Variants in WDFY4 observed in about 807,000 individuals in gnomAD.
WDFY4 encodes WDFY family member 4.
In WDFY4, 169 loss-of-function variants were observed where a neutral mutation model predicts 351.9. That is an observed-to-expected ratio of 0.48 (90% CI 0.42 to 0.55). The LOEUF is 0.55. WDFY4 is among the 20% of genes least tolerant of loss of function. The probability of loss-of-function intolerance (pLI) is 0.00; values close to 1 mark genes in which losing one functional copy is unlikely to be tolerated. For synonymous variants in WDFY4, 1,622 were observed against 1,574.6 expected (o/e 1.03, Z -0.71); for missense variants, 3,803 against 3,935.6 (o/e 0.97, Z 0.90).
Position 48,731,405 on chromosome 10 carries a change from G to A in WDFY4, c.1425G>A (p.Lys475=), listed in dbSNP as rs371231718. Residue 475 remains lysine, a synonymous_variant, in exon 9 of 62, where the codon AAG becomes AAA. Coordinates refer to ENST00000325239, the MANE Select transcript of WDFY4 (RefSeq NM_001394531.1). ...TGCGAAAGGTACAGCATCTGATCAA[G>A]GAGAGCCCTGGGCCATCCTGCACCC... is the stretch of plus-strand genomic sequence containing the variant. ...EILRKVQHLI[K]ESPGPSCTLM... 4.4e-4 allele frequency: 685 copies of A among 1,551,758 alleles called. 11 individuals carry two copies. In the South Asian group the frequency reaches 7.7e-3, roughly 17 times the overall value.
chr10:48,788,460 A>G (rs1003949561), intron 20 of WDFY4, 70 bp from the exon 21 acceptor site: 3 of 1,489,304 alleles, frequency 2.0e-6, no homozygotes, highest in Non-Finnish European at 2.7e-6. Context: ...CAGAGATATT[A>G]AATTGTATGA....
intron 13 of WDFY4, among the ~76,000 whole-genome samples, chr10:48,772,801 G>GT (rs1565180547): frequency 1.3e-5 from 2 of 150,272 alleles, no homozygotes; most frequent in East Asian, 3.9e-4. Flanking sequence ...GCGGTGTTTG[G>GT]TTTTTTGTTC....
At chr10:48,799,805 T>TG (rs1436574932) in intron 24 of WDFY4, among the ~76,000 whole-genome samples, 1 of 152,060 alleles carries the variant, frequency 6.6e-6, no homozygotes, top group East Asian at 1.9e-4. Context: ...AGGGGAAGTG[T>TG]GGGGAGACTG....
At chr10:48,976,438 T>A (rs1107405) in intron 58 of WDFY4, 164,689 of 170,258 alleles carry the variant, frequency 0.97, 79,907 homozygotes, top group East Asian at 1. Flanking sequence ...AGGGCTGACC[T>A]ACCAGGTGTA....
chr10:48,853,500 T>C (rs1009916749), intron 39 of WDFY4, among the ~76,000 whole-genome samples: 2 of 152,214 alleles, frequency 1.3e-5, no homozygotes, highest in Admixed American at 6.5e-5. Context: ...GTGGGATTCT[T>C]CCACAATACT....
At position 48,743,110 on chromosome 10, in the gene WDFY4, C is replaced by T. The variant is rs936224829; in HGVS notation, c.2021C>T (p.Pro674Leu). ...CTGCAGGCATGGGGAGCAGTATCCCCCAGACAGACCCTGGAGCTGGTTTTG... is the reference window on the plus strand; with the variant it reads ...CTGCAGGCATGGGGAGCAGTATCCCTCAGACAGACCCTGGAGCTGGTTTTG... The part of the protein sequence containing the change: ...PPLQAWGAVS[P>L]RQTLELVLYT... Residue 674 changes from proline to leucine, a missense_variant, in exon 12 of 62, where the codon CCC becomes CTC. Physicochemically the swap from Pro to Leu is moderately conservative, Grantham distance 98. Around this residue, in one of 3 missense-constraint regions of WDFY4, gnomAD observed 3,054 missense variants for 3,148.6 expected, o/e 0.97. Transcript: ENST00000325239. 1.2e-5 allele frequency: 19 copies of T among 1,551,586 alleles called. No individual in the cohort carries two copies. The East Asian group carries it at 4.6e-4, about 38-fold the overall frequency.
At chr10:48,882,372 A>G (rs2070288093) in intron 43 of WDFY4, among the ~76,000 whole-genome samples, 1 of 152,180 alleles carries the variant, frequency 6.6e-6, no homozygotes, top group Non-Finnish European at 1.5e-5. Flanking sequence ...GTTTGTTGCT[A>G]TTAATATTAT....
intron 32 of WDFY4, among the ~76,000 whole-genome samples, chr10:48,818,827 G>A (rs973281683): frequency 2.0e-5 from 3 of 152,234 alleles, no homozygotes; most frequent in African/African-American, 7.2e-5. Context: ...GCAAACAAGA[G>A]TGAAGGAATG....
intron 13 of WDFY4, 71 bp from the exon 14 acceptor site, chr10:48,774,387 T>A (rs1486857012): frequency 1.5e-5 from 22 of 1,497,526 alleles, no homozygotes; most frequent in South Asian, 2.4e-5. Flanking sequence ...CAGGCCAAGT[T>A]GGAGCCTATA....
chr10:48,947,070 C>T, intron 51 of WDFY4, 101 bp downstream of exon 51: 1 of 1,016,152 alleles, frequency 9.8e-7, no homozygotes, highest in Non-Finnish European at 1.4e-6. Flanking sequence ...AGACAGGATG[C>T]CTCTGCTAAA....
chr10:48,751,412 G>C (rs1364370432), intron 12 of WDFY4, among the ~76,000 whole-genome samples: 1 of 152,238 alleles, frequency 6.6e-6, no homozygotes. Context: ...TGGATGGGCA[G>C]AGATGATGGC....
intron 1 of WDFY4, among the ~76,000 whole-genome samples, chr10:48,694,025 T>A (rs139236768): frequency 1.7e-4 from 26 of 152,352 alleles, no homozygotes; most frequent in African/African-American, 4.3e-4. Context: ...TGTTTCAAAG[T>A]TTCACTTGTG....
At chr10:48,710,052 A>G (rs1021333932) in intron 2 of WDFY4, 86 bp downstream of exon 2, 20 of 1,267,850 alleles carry the variant, frequency 1.6e-5, no homozygotes, top group Non-Finnish European at 2.0e-5. Flanking sequence ...TGATGGTTTT[A>G]ATGTCATCCC....
intron 1 of WDFY4, among the ~76,000 whole-genome samples, chr10:48,694,477 AC>A (rs2063279465): frequency 1.4e-5 from 2 of 147,416 alleles, no homozygotes; most frequent in South Asian, 2.2e-4. Flanking sequence ...AGCCTCCTCC[AC>A]CCCCATGTAT....
At chr10:48,703,221 A>G (rs1035168057) in intron 1 of WDFY4, among the ~76,000 whole-genome samples, 3 of 152,086 alleles carry the variant, frequency 2.0e-5, no homozygotes, top group Non-Finnish European at 2.9e-5. Context: ...TGAGGCCAAG[A>G]CTCTGCTGAA....
Position 48,777,419 on chromosome 10 carries a change from C to A in WDFY4, c.3099C>A (p.Gly1033=). Residue 1033 remains glycine, a splice_region_variant and synonymous_variant, in exon 17 of 62, where the codon GGC becomes GGA. Coordinates refer to ENST00000325239, the MANE Select transcript of WDFY4 (RefSeq NM_001394531.1). ...ATCTGAGACAATTTTCTATTTCCAGCTGTTTGTTTATTCCAACCCTGTCCA... is the reference window on the plus strand; with the variant it reads ...ATCTGAGACAATTTTCTATTTCCAGATGTTTGTTTATTCCAACCCTGTCCA... The part of the protein sequence containing the change: ...VEFDMSVEGY[G]CLFIPTLSTV... 1 of 1,551,676 alleles carries A rather than the reference C, an allele frequency of 6.4e-7. No homozygotes were observed. The highest frequency in any genetic ancestry group is 8.7e-7 in the Non-Finnish European group (1 of 1,146,958).
intron 26 of WDFY4, 126 bp from the exon 27 acceptor site, chr10:48,805,878 G>A: frequency 1.3e-6 from 1 of 780,798 alleles, no homozygotes; most frequent in Non-Finnish European, 2.2e-6. Context: ...AGCATGCCAT[G>A]ATGATTTCCC....
Position 48,721,359 on chromosome 10 carries a change from A to T in WDFY4, c.448A>T (p.Thr150Ser). The T allele has an allele frequency of 6.4e-7, 1 of 1,551,626 alleles. No homozygotes were observed. The change falls in exon 4 of 62, where the codon ACA becomes TCA. Residue 150 changes from threonine to serine, a missense_variant. By Grantham distance (58) the Thr-to-Ser change is moderately conservative. Transcript: ENST00000325239. The part of the protein sequence containing the change: ...LLKSVYVLTG[T>S]DSETLGRVAE... Reference sequence around the variant, plus strand: ...GAAGTCAGTGTACGTGCTCACGGGGACAGACTCGGTAAGTTTCAGACCATC... The same window carrying T: ...GAAGTCAGTGTACGTGCTCACGGGGTCAGACTCGGTAAGTTTCAGACCATC...
intron 47 of WDFY4, among the ~76,000 whole-genome samples, chr10:48,907,388 C>G (rs957502528): frequency 2.0e-5 from 3 of 152,218 alleles, no homozygotes; most frequent in African/African-American, 7.2e-5. Flanking sequence ...TGCTTGTATT[C>G]AGGGCCTGAT....
Sources: gnomAD v4.1 joint callset for allele counts (sites outside exome capture counted in the v4.1 genomes callset) on GRCh38, gnomAD v4.1.1 for gene constraint, gnomAD v4.1.1 regional missense constraint, MANE v1.5 for transcripts, NCBI Gene and HGNC (gene_info 2026-07-23, HGNC 2026-07-21) for gene names.